The following LYST variants were observed in gnomAD, a reference collection of about 807,000 sequenced individuals.
LYST encodes the protein lysosomal trafficking regulator.
In LYST, 192 loss-of-function variants were observed where a neutral mutation model predicts 413.6. The observed-to-expected ratio is 0.46, with a 90% confidence interval of 0.41 to 0.52. The LOEUF (loss-of-function observed/expected upper bound fraction) is 0.52. LYST is among the 20% of genes least tolerant of loss of function. The pLI is 0.00. For missense variants in LYST, 3,815 were observed against 4,499.9 expected (o/e 0.85, Z 4.35); for synonymous variants, 1,525 against 1,567.3 (o/e 0.97, Z 0.64).
chr1:235,742,040 TATGAG>T (rs1180916285), intron 30 of LYST, among the ~76,000 whole-genome samples: 1 of 152,204 alleles, frequency 6.6e-6, no homozygotes, highest in Non-Finnish European at 1.5e-5. Context: ...CTTCTATTTG[TATGAG>T]ATATCTAGAA....
intron 14 of LYST, among the ~76,000 whole-genome samples, 199 bp from the exon 15 acceptor site, chr1:235,782,286 A>G (rs747963986): frequency 2.0e-5 from 3 of 151,044 alleles, no homozygotes; most frequent in Non-Finnish European, 4.4e-5. Context: ...CTCCTGCCTC[A>G]GCCTCCCAAG....
At chr1:235,755,789 C>T in intron 24 of LYST, 142 bp from the exon 25 acceptor site, 1 of 570,144 alleles carries the variant, frequency 1.8e-6, no homozygotes, top group Non-Finnish European at 3.1e-6. Flanking sequence ...GCCACCACCA[C>T]AGCAAAGCAG....
chr1:235,823,037 C>G (rs560886365), intron 3 of LYST, among the ~76,000 whole-genome samples: 1 of 152,302 alleles, frequency 6.6e-6, no homozygotes, highest in East Asian at 1.9e-4. Flanking sequence ...ACTGCCAACT[C>G]AACAGAATCA....
rs140127039 is a variant in LYST, at chr1:235,709,112, C to T, written c.10122G>A (p.Ala3374=). 3.4e-5 allele frequency: 55 copies of T among 1,613,906 alleles called. No homozygotes were observed. The highest frequency in any genetic ancestry group is 1.6e-4 in the Middle Eastern group (1 of 6,084). Residue 3374 remains alanine, a synonymous_variant, in exon 44 of 53, where the codon GCG becomes GCA. Coordinates refer to ENST00000389793, the MANE Select transcript of LYST (RefSeq NM_000081.4). ...YKQKGKASVQ[A]INVFHPATYF... is the part of the protein sequence containing the mutation. ...TTACAGCAGGATGAAAAACATTGATCGCTTGAACAGAAGCCTTCCCCTTTT... is the reference window on the plus strand; with the variant it reads ...TTACAGCAGGATGAAAAACATTGATTGCTTGAACAGAAGCCTTCCCCTTTT...
At chr1:235,798,576 C>CTTAAAAAAAAAAAAAAAAAA (rs1558261064) in intron 10 of LYST, among the ~76,000 whole-genome samples, 3 of 24,528 alleles carry the variant, frequency 1.2e-4, no homozygotes, top group Admixed American at 7.6e-4. Context: ...AAAACCCTGT[C>CTTAAAAAAAAAAAAAAAAAA]ATAAAAAAAA....
Position 235,787,256 on chromosome 1 carries a change from C to A in LYST, c.4806G>T (p.Gln1602His). 1.2e-6 allele frequency: 2 copies of A among 1,613,736 alleles called. No homozygotes were observed. The highest frequency in any genetic ancestry group is 1.7e-6 in the Non-Finnish European group (2 of 1,179,726). Residue 1602 changes from glutamine (Q) to histidine (H), a missense_variant, in exon 14 of 53, where the codon CAG becomes CAT. Gln to His is a conservative substitution (Grantham distance 24, BLOSUM62 0). Coordinates refer to ENST00000389793, the MANE Select transcript of LYST (RefSeq NM_000081.4). ...CATGAATCCTCCTTTTCCCTTGGGG[C>A]TGCTGTAAGTAGGTGAGTACTAAAT... Reference protein sequence around the residue: ...WQHLVLTYLQQPQGKRRIHGK... With the variant: ...WQHLVLTYLQHPQGKRRIHGK...
chr1:235,695,492 C>T (rs1241993235), intron 46 of LYST, among the ~76,000 whole-genome samples: 1 of 152,186 alleles, frequency 6.6e-6, no homozygotes, highest in Non-Finnish European at 1.5e-5. Flanking sequence ...ATTAAGGGCA[C>T]ACTAAGGGTT....
intron 32 of LYST, among the ~76,000 whole-genome samples, chr1:235,734,130 C>G (rs1451890275): frequency 1.3e-5 from 2 of 151,844 alleles, no homozygotes; most frequent in South Asian, 2.1e-4. Flanking sequence ...GAATGGTTAA[C>G]CAGGGTTGCT....
chr1:235,798,624 A>T (rs1455615440), intron 10 of LYST, among the ~76,000 whole-genome samples: 1 of 149,296 alleles, frequency 6.7e-6, no homozygotes, highest in East Asian at 2.0e-4. Context: ...AAACACTGAA[A>T]AAAGGAATCT....
At chr1:235,677,029 A>G in intron 50 of LYST, 62 bp downstream of exon 50, 1 of 1,181,926 alleles carries the variant, frequency 8.5e-7, no homozygotes, top group Non-Finnish European at 1.3e-6. Flanking sequence ...AGGAGTAACC[A>G]CTGGCCGAAT....
intron 45 of LYST, among the ~76,000 whole-genome samples, chr1:235,697,499 A>G (rs1439469848): frequency 6.6e-6 from 1 of 152,164 alleles, no homozygotes; most frequent in East Asian, 1.9e-4. Context: ...TTGCATGAAA[A>G]TATGTGGTTA....
In LYST at chr1:235,757,472, C is replaced by CA; in HGVS notation, c.6882-15dup. On this transcript the variant is annotated splice_polypyrimidine_tract_variant and intron_variant, in intron 23 of 52. Transcript: ENST00000389793. ...TCTTCAGTTACACTAAAACAGAGACCAAAAAAGTCTTACTAACATGACAAG... is the reference window on the plus strand; with the variant it reads ...TCTTCAGTTACACTAAAACAGAGACCAAAAAAAGTCTTACTAACATGACAAG... 3.1e-6 allele frequency: 5 copies of CA among 1,607,738 alleles called. 1 individual carries two copies. In the South Asian group the frequency reaches 5.5e-5, roughly 18 times the overall value.
chr1:235,805,850 T>C lies in LYST; in HGVS notation c.3286A>G (p.Ser1096Gly). 1 of 1,613,826 alleles carries C rather than the reference T, an allele frequency of 6.2e-7. No individual in the cohort carries two copies. The highest frequency in any genetic ancestry group is 8.5e-7 in the Non-Finnish European group (1 of 1,179,886). ...EEAKLFTSQE[S>G]ETSLQSIRLL... The stretch of plus-strand genomic sequence containing the variant: ...CGTATACTTTGAAGTGAGGTCTCAC[T>C]TTCTTGACTTGTAAATAGCTTTGCT... Residue 1096 changes from serine to glycine, a missense_variant, in exon 6 of 53, where the codon AGT (serine) becomes GGT (glycine). Physicochemically the swap from Ser to Gly is moderately conservative, Grantham distance 56. Around this residue, in one of 4 missense-constraint regions of LYST, gnomAD observed 1,648 missense variants for 1,810.3 expected, o/e 0.91. Coordinates refer to ENST00000389793, the MANE Select transcript of LYST (RefSeq NM_000081.4).
At chr1:235,824,938 T>C (rs1675167619) in intron 3 of LYST, among the ~76,000 whole-genome samples, 2 of 151,966 alleles carry the variant, frequency 1.3e-5, no homozygotes, top group South Asian at 2.1e-4. Flanking sequence ...AAGAATCACT[T>C]AAACCTGGAT....
chr1:235,849,451 TAAAAC>T (rs1406903687), intron 1 of LYST, among the ~76,000 whole-genome samples: 2 of 152,046 alleles, frequency 1.3e-5, no homozygotes, highest in Non-Finnish European at 2.9e-5. Flanking sequence ...CTCTGAGAAT[TAAAAC>T]AAGACAAGGA....
rs1252981079 is a variant in LYST at position 235,774,982 on chromosome 1, A to G, written c.5565T>C (p.Cys1855=). 2 of 1,609,288 alleles carry G rather than the reference A, an allele frequency of 1.2e-6. No individual in the cohort carries two copies. The highest frequency in any genetic ancestry group is 2.2e-5 in the South Asian group (2 of 90,940). ...CCTGATGAATCATAGAAAGTCCATT[A>G]CAATTTTCTAATTCATGTACTCTTT... is the stretch of plus-strand genomic sequence containing the variant. The part of the protein sequence containing the change: ...NQQRVHELEN[C]NGLSMIHQVL... The change falls in exon 18 of 53, where the codon TGT becomes TGC. Residue 1855 remains cysteine (C), a synonymous_variant. Transcript: ENST00000389793.
rs1377234614 is a variant in LYST at position 235,693,368 on chromosome 1, T to C, written c.10683A>G (p.Gln3561=). 8.7e-6 allele frequency: 14 copies of C among 1,611,188 alleles called. No homozygotes were observed. The highest frequency in any genetic ancestry group is 1.1e-5 in the Non-Finnish European group (13 of 1,177,486). The change falls in exon 47 of 53, where the codon CAA becomes CAG. Residue 3561 remains glutamine (Q), a synonymous_variant. Transcript: ENST00000389793. ...TGTTTACCTGGTACTGTTGTGAACT[T>C]TGAATAAAGTTTACTGGAGGCTCAC... The part of the protein sequence containing the change: ...KQSEPPVNFI[Q]SSQQYQVTSC...
intron 48 of LYST, among the ~76,000 whole-genome samples, chr1:235,681,321 G>C (rs1659798584): frequency 1.3e-5 from 2 of 152,180 alleles, no homozygotes; most frequent in Admixed American, 6.5e-5. Flanking sequence ...AGGGTAGGTA[G>C]GGAGCAGGAA....
chr1:235,715,617 T>C (rs1277936102), intron 41 of LYST, among the ~76,000 whole-genome samples: 1 of 152,028 alleles, frequency 6.6e-6, no homozygotes, highest in Non-Finnish European at 1.5e-5. Flanking sequence ...ATAGAAAACC[T>C]ACCTAACTTT....
Sources: gnomAD v4.1 joint callset for allele counts (sites outside exome capture counted in the v4.1 genomes callset) on GRCh38, gnomAD v4.1.1 for gene constraint, gnomAD v4.1.1 regional missense constraint, MANE v1.5 for transcripts, NCBI Gene and HGNC (gene_info 2026-07-23, HGNC 2026-07-21) for gene names.